The following PRKCE variants were observed in gnomAD, a reference collection of about 807,000 sequenced individuals.
The protein encoded by PRKCE is protein kinase C epsilon.
Under a neutral mutation model 85.4 loss-of-function variants are expected in PRKCE, and 16 were observed. The ratio of observed to expected loss-of-function variants is 0.19; its 90% CI spans 0.13 to 0.28. The LOEUF (loss-of-function observed/expected upper bound fraction) is 0.28, where lower values mean the gene tolerates loss of function less well. Among genes scored for constraint, PRKCE ranks in the 10% least tolerant of loss-of-function variants. The probability of loss-of-function intolerance (pLI) is 1.00; values close to 1 mark genes in which losing one functional copy is unlikely to be tolerated. For synonymous variants in PRKCE, 388 were observed against 371.5 expected, an observed-to-expected ratio of 1.04 and a Z score of -0.51; for missense variants, 573 against 975.2, an observed-to-expected ratio of 0.59 and a Z score of 5.49.
chr2:45,765,320 A>G (rs547714785), intron 1 of PRKCE, among the ~76,000 whole-genome samples: 1 of 152,238 alleles, frequency 6.6e-6, no homozygotes, highest in Non-Finnish European at 1.5e-5. Context: ...CAATATGTTT[A>G]TTGAAAGGTC....
chr2:45,652,214 C>G lies in PRKCE; in HGVS notation c.114C>G (p.Leu38=). The part of the protein sequence containing the change: ...AVGPRPQTFL[L]DPYIALNVDD... Reference sequence around the variant, plus strand: ...GACCCCGGCCGCAGACTTTCCTTCTCGACCCCTACATTGCCCTCAATGTGG... The same window carrying G: ...GACCCCGGCCGCAGACTTTCCTTCTGGACCCCTACATTGCCCTCAATGTGG... Residue 38 remains leucine (L), a synonymous_variant, in exon 1 of 15, where the codon CTC becomes CTG. Coordinates refer to ENST00000306156, the MANE Select transcript of PRKCE (RefSeq NM_005400.3). The surrounding 1 kb of genome is among the most constrained non-coding windows in gnomAD (Gnocchi z 7.7). The G allele has an allele frequency of 2.5e-6, 4 of 1,613,616 alleles. No homozygotes were observed. Among genetic ancestry groups the G allele is most frequent in the South Asian group, 1.1e-5 (1 of 91,074 alleles).
intron 1 of PRKCE, among the ~76,000 whole-genome samples, chr2:45,806,220 G>T (rs1688230535): frequency 6.6e-6 from 1 of 152,164 alleles, no homozygotes; most frequent in African/African-American, 2.4e-5. Flanking sequence ...ATCCTGGCTG[G>T]CACGTGAACC....
At chr2:46,156,870 C>G (rs1182179319) in intron 13 of PRKCE, among the ~76,000 whole-genome samples, 1 of 152,224 alleles carries the variant, frequency 6.6e-6, no homozygotes, top group African/African-American at 2.4e-5. Context: ...CTGCCCACCT[C>G]CCACACACTC....
At chr2:45,735,544 C>T (rs1408854053) in intron 1 of PRKCE, among the ~76,000 whole-genome samples, 4 of 152,218 alleles carry the variant, frequency 2.6e-5, no homozygotes, top group African/African-American at 9.6e-5. Flanking sequence ...CACCTCATAG[C>T]ATTGTTTTGC....
At position 46,155,432 on chromosome 2, in the gene PRKCE, C is replaced by T. The variant is rs1311041610; in HGVS notation, c.1921-4174C>T. Among the ~76,000 whole-genome samples, 1 of 152,212 alleles carries T rather than the reference C, an allele frequency of 6.6e-6. No individual in the cohort carries two copies. The highest frequency in any genetic ancestry group is 2.4e-5 in the African/African-American group (1 of 41,528). On this transcript the variant is annotated intron_variant, in intron 13 of 14. Coordinates refer to ENST00000306156, the MANE Select transcript of PRKCE (RefSeq NM_005400.3). The surrounding 1 kb of genome is among the most constrained non-coding windows in gnomAD (Gnocchi z 4.7). Reference sequence around the variant, plus strand: ...TCTCTTGTTCCTCAGGCCTGGGCCCCGGGTCCTCTGGGTACCCTGTGCTCT... The same window carrying T: ...TCTCTTGTTCCTCAGGCCTGGGCCCTGGGTCCTCTGGGTACCCTGTGCTCT...
intron 14 of PRKCE, among the ~76,000 whole-genome samples, chr2:46,165,165 C>T (rs992859394): frequency 1.3e-5 from 2 of 152,228 alleles, no homozygotes; most frequent in African/African-American, 4.8e-5. Context: ...TACTAACCCC[C>T]ACCCAGTGCA....
chr2:46,175,208 G>A (rs1679307697), intron 14 of PRKCE, among the ~76,000 whole-genome samples: 1 of 152,190 alleles, frequency 6.6e-6, no homozygotes, highest in African/African-American at 2.4e-5. Context: ...CATCAGAAAT[G>A]TTCTTTTGGG....
chr2:46,019,355 G>C (rs569073751), intron 10 of PRKCE, among the ~76,000 whole-genome samples: 51 of 152,272 alleles, frequency 3.3e-4, no homozygotes, highest in African/African-American at 1.2e-3. Context: ...GTGTGCGTGA[G>C]TGTGCCCTGC....
chr2:46,122,644 G>A (rs1042074950), intron 11 of PRKCE, among the ~76,000 whole-genome samples: 5 of 152,136 alleles, frequency 3.3e-5, no homozygotes, highest in Admixed American at 1.3e-4. Flanking sequence ...GAAGTTCCTC[G>A]CTTTTATGAA....
At chr2:46,075,332 G>T (rs922666343) in intron 10 of PRKCE, among the ~76,000 whole-genome samples, 1 of 151,274 alleles carries the variant, frequency 6.6e-6, no homozygotes, top group African/African-American at 2.4e-5. Context: ...CACCGTGCCC[G>T]GCCCGCTCAA....
chr2:45,798,291 T>C (rs1226429960), intron 1 of PRKCE, among the ~76,000 whole-genome samples: 1 of 152,224 alleles, frequency 6.6e-6, no homozygotes, highest in Admixed American at 6.5e-5. Context: ...AGCTAGGTTT[T>C]ATTATGTCTA....
Position 46,001,253 on chromosome 2 carries a change from A to G in PRKCE, c.824-151A>G, listed in dbSNP as rs1704652363. 6.5e-6 allele frequency: 1 copy of G among 153,922 alleles called. No individual in the cohort carries two copies. Among genetic ancestry groups the G allele is most frequent in the South Asian group, 2.8e-4 (1 of 3,624 alleles). The allele number at this position is 153,922 out of a possible 1,614,324, so 9.5% of individuals were successfully genotyped here. A position where few individuals can be genotyped will look rare whatever the true frequency, so the allele number is the denominator to read the frequency against. ...ATTTTGGTTTTGTATGATGGAAGAC[A>G]TATATATATATATATATATTTCTGT... On this transcript the variant is annotated intron_variant, in intron 6 of 14. Transcript: ENST00000306156. The surrounding 1 kb of genome is among the most constrained non-coding windows in gnomAD (Gnocchi z 4.4).
intron 2 of PRKCE, among the ~76,000 whole-genome samples, chr2:45,888,832 A>G (rs1695496535): frequency 6.6e-6 from 1 of 152,196 alleles, no homozygotes; most frequent in Non-Finnish European, 1.5e-5. Flanking sequence ...AACCTTTTCA[A>G]TAGCCTCCAT....
In PRKCE at chr2:45,980,359, A is replaced by C; in HGVS notation, c.671A>C (p.Lys224Thr). The C allele has an allele frequency of 6.3e-7, 1 of 1,599,710 alleles. No homozygotes were observed. The highest frequency in any genetic ancestry group is 1.1e-5 in the South Asian group (1 of 91,076). ...ELIITKCAGL[K>T]KQETPDQVGS... ...ATAATCACAAAGTGTGCTGGGTTAA[A>C]GAAGCAGGAGACCCCCGACCAGGTA... is the stretch of plus-strand genomic sequence containing the variant. Residue 224 changes from lysine (K) to threonine (T), a missense_variant, in exon 5 of 15, where the codon AAG (lysine) becomes ACG (threonine). By Grantham distance (78) the Lys-to-Thr change is moderately conservative (BLOSUM62 -1). This residue lies in a region of PRKCE where 18 missense variants were observed against 17.4 expected (regional missense o/e 1.04). Coordinates refer to ENST00000306156, the MANE Select transcript of PRKCE (RefSeq NM_005400.3).
At chr2:46,122,237 G>A (rs1673382628) in intron 11 of PRKCE, among the ~76,000 whole-genome samples, 1 of 151,948 alleles carries the variant, frequency 6.6e-6, no homozygotes, top group Admixed American at 6.6e-5. Context: ...TTTTGTTTTT[G>A]TTTTGTTTTT....
At chr2:46,121,546 AG>A (rs1673315717) in intron 11 of PRKCE, among the ~76,000 whole-genome samples, 1 of 152,184 alleles carries the variant, frequency 6.6e-6, no homozygotes, top group South Asian at 2.1e-4. Flanking sequence ...GATATTATAG[AG>A]GGGCCCATAG....
In PRKCE at chr2:46,138,746, G is replaced by A. The variant is rs957010205; in HGVS notation, c.1593-6347G>A. On this transcript the variant is annotated intron_variant, in intron 11 of 14. Transcript: ENST00000306156. The surrounding 1 kb of genome is among the most constrained non-coding windows in gnomAD (Gnocchi z 4.2). ...AGGGGGCATACTAATAGCACCTAAT[G>A]CATCTAATGCATAACATCTCATAGC... Among the ~76,000 whole-genome samples the A allele has an allele frequency of 6.6e-6, 1 of 152,116 alleles. No homozygotes were observed. Among genetic ancestry groups the A allele is most frequent in the Admixed American group, 6.5e-5 (1 of 15,280 alleles).
At chr2:45,850,459 C>CA (rs1692158268) in intron 2 of PRKCE, among the ~76,000 whole-genome samples, 1 of 152,124 alleles carries the variant, frequency 6.6e-6, no homozygotes, top group South Asian at 2.1e-4. Flanking sequence ...CATACTGGCC[C>CA]AAAATGGGTT....
intron 1 of PRKCE, among the ~76,000 whole-genome samples, chr2:45,666,378 A>C (rs1199041279): frequency 1.3e-5 from 2 of 151,936 alleles, no homozygotes; most frequent in Non-Finnish European, 2.9e-5. Context: ...AGTTGCCTAC[A>C]TAGTGAAGTC....
Sources: gnomAD v4.1 joint callset for allele counts (sites outside exome capture counted in the v4.1 genomes callset) on GRCh38, gnomAD v4.1.1 for gene constraint, gnomAD v4.1.1 regional missense constraint, Gnocchi (gnomAD v3.1) non-coding constraint, MANE v1.5 for transcripts, NCBI Gene and HGNC (gene_info 2026-07-23, HGNC 2026-07-21) for gene names.